The following VWA3A variants were observed in gnomAD, a reference collection of about 807,000 sequenced individuals.
VWA3A encodes the protein von Willebrand factor A domain-containing protein 3A.
VWA3A carries 134 observed loss-of-function variants against 160.4 expected under a neutral mutation model. That is an observed-to-expected ratio of 0.84 (90% CI 0.73 to 0.96). VWA3A has a LOEUF of 0.96. VWA3A is among the 40% of genes least tolerant of loss of function. The pLI is 0.00. For synonymous variants in VWA3A, 476 were observed against 543.4 expected, an observed-to-expected ratio of 0.88 and a Z score of 1.72; for missense variants, 1,310 against 1,447.9, an observed-to-expected ratio of 0.90 and a Z score of 1.55.
intron 3 of VWA3A, 127 bp from the exon 4 acceptor site, chr16:22,100,067 C>G: frequency 1.7e-6 from 2 of 1,196,240 alleles, no homozygotes; most frequent in East Asian, 2.6e-5. Context: ...AAGAGCGAAA[C>G]TCCGTCTCAA....
chr16:22,103,563 T>A, intron 6 of VWA3A, 34 bp downstream of exon 6: 1 of 1,549,454 alleles, frequency 6.5e-7, no homozygotes, highest in African/African-American at 1.4e-5. Context: ...TTGCCCCCTT[T>A]CACTCATTCC....
At chr16:22,123,035 A>T in intron 14 of VWA3A, 50 bp from the exon 15 acceptor site, 1 of 1,494,552 alleles carries the variant, frequency 6.7e-7, no homozygotes, top group Non-Finnish European at 9.2e-7. Flanking sequence ...AAATTAAACT[A>T]CATGTACTTC....
chr16:22,116,849 C>T lies in VWA3A; in HGVS notation c.906C>T (p.Cys302=), dbSNP rs745685320. The T allele has an allele frequency of 3.1e-5, 50 of 1,612,626 alleles. No individual in the cohort carries two copies. The East Asian group carries it at 4.5e-4, about 14-fold the overall frequency. Residue 302 remains cysteine, a synonymous_variant, in exon 10 of 34, where the codon TGC becomes TGT. Transcript: ENST00000389398. ...DLIIHFITYR[C]DDQMPPAVLK... ...TCATCCACTTCATCACCTACAGATG[C>T]GATGATCAGATGCCCCCTGTGAGTG...
intron 1 of VWA3A, among the ~76,000 whole-genome samples, chr16:22,094,691 G>A (rs557337761): frequency 3.3e-5 from 5 of 152,130 alleles, no homozygotes; most frequent in South Asian, 2.1e-4. Flanking sequence ...CAGGTTGGGC[G>A]TGGTGGCTCA....
intron 19 of VWA3A, chr16:22,132,665 A>G (rs1039297409): frequency 1.9e-6 from 1 of 525,412 alleles, no homozygotes; most frequent in Non-Finnish European, 3.4e-6. Flanking sequence ...TGTGGATGCT[A>G]CTGGTCTAGA....
chr16:22,096,479 G>A (rs1026597451), intron 1 of VWA3A, among the ~76,000 whole-genome samples: 4 of 151,962 alleles, frequency 2.6e-5, no homozygotes, highest in African/African-American at 7.3e-5. Flanking sequence ...AAAAATGGCC[G>A]GGCGTGGTGA....
At chr16:22,142,791 T>C (rs2046175926) in intron 25 of VWA3A, 26 bp downstream of exon 25, 1 of 1,502,022 alleles carries the variant, frequency 6.7e-7, no homozygotes, top group Non-Finnish European at 9.1e-7. Context: ...TACTAGCACA[T>C]GCCCATTAAG....
intron 21 of VWA3A, among the ~76,000 whole-genome samples, chr16:22,134,731 C>A (rs1332569791): frequency 6.6e-6 from 1 of 152,098 alleles, no homozygotes; most frequent in Non-Finnish European, 1.5e-5. Context: ...GCAAGGAAGA[C>A]TTTACTTAAG....
intron 1 of VWA3A, among the ~76,000 whole-genome samples, chr16:22,096,652 G>A (rs1485227471): frequency 6.6e-6 from 1 of 152,024 alleles, no homozygotes; most frequent in Non-Finnish European, 1.5e-5. Context: ...GATTGAGGTG[G>A]GAGGATTGCT....
chr16:22,106,166 C>T (rs959551607), intron 6 of VWA3A, among the ~76,000 whole-genome samples: 1 of 152,094 alleles, frequency 6.6e-6, no homozygotes, highest in African/African-American at 2.4e-5. Context: ...AGATGGATCA[C>T]TTGAGGTCAG....
chr16:22,152,713 T>G, intron 31 of VWA3A, 79 bp downstream of exon 31: 2 of 1,530,034 alleles, frequency 1.3e-6, no homozygotes, highest in Non-Finnish European at 1.8e-6. Flanking sequence ...TTTTCCTTCT[T>G]GAACTCCTGG....
At chr16:22,092,882 G>T (rs574109432) in intron 1 of VWA3A, among the ~76,000 whole-genome samples, 21 of 152,066 alleles carry the variant, frequency 1.4e-4, no homozygotes, top group Non-Finnish European at 2.5e-4. Context: ...AAGGGGCAGC[G>T]ACAGGAGGAC....
At chr16:22,154,328 T>C (rs922722699) in intron 31 of VWA3A, among the ~76,000 whole-genome samples, 8 of 132,994 alleles carry the variant, frequency 6.0e-5, no homozygotes, top group African/African-American at 1.2e-4. Context: ...TTTTTCTTTT[T>C]TTTTTTTTTT....
intron 28 of VWA3A, 85 bp downstream of exon 28, chr16:22,148,391 A>G: frequency 6.7e-7 from 1 of 1,485,540 alleles, no homozygotes; most frequent in East Asian, 2.5e-5. Context: ...TCTCAGTGCC[A>G]ACAGGCCTGG....
intron 6 of VWA3A, among the ~76,000 whole-genome samples, chr16:22,103,774 C>T (rs1026056825): frequency 6.6e-6 from 1 of 152,136 alleles, no homozygotes; most frequent in Non-Finnish European, 1.5e-5. Flanking sequence ...TCTCTTCAGG[C>T]ATAGGAAGGT....
chr16:22,100,395 C>T (rs756392828), intron 4 of VWA3A, 21 bp from the exon 5 acceptor site: 67 of 1,551,548 alleles, frequency 4.3e-5, no homozygotes, highest in Non-Finnish European at 5.8e-5. Flanking sequence ...GAGATCCCCT[C>T]ATAAGGCTTT....
intron 14 of VWA3A, 74 bp from the exon 15 acceptor site, chr16:22,123,011 G>A: frequency 7.5e-7 from 1 of 1,332,666 alleles, no homozygotes; most frequent in East Asian, 2.5e-5. Flanking sequence ...ACCTGATTTG[G>A]AGAACCAGTG....
intron 4 of VWA3A, 32 bp downstream of exon 4, chr16:22,100,350 C>G: frequency 1.3e-6 from 2 of 1,551,674 alleles, no homozygotes; most frequent in Non-Finnish European, 1.7e-6. Context: ...GCACCCCCCA[C>G]AGCTGCAGTG....
At chr16:22,141,968 T>C (rs182984253) in intron 24 of VWA3A, among the ~76,000 whole-genome samples, 1 of 152,298 alleles carries the variant, frequency 6.6e-6, no homozygotes, top group East Asian at 1.9e-4. Flanking sequence ...GCAGTTTCCT[T>C]AGCTCTAAGG....
Sources: allele counts gnomAD v4.1 joint callset (sites outside exome capture counted in the v4.1 genomes callset), GRCh38; gene constraint gnomAD v4.1.1; transcripts MANE v1.5; gene names NCBI Gene and HGNC (gene_info 2026-07-23, HGNC 2026-07-21).